BICC1: variants seen among roughly 807,000 people sequenced by gnomAD.
BICC1 encodes protein bicaudal C homolog 1.
Under a neutral mutation model 111.0 loss-of-function variants are expected in BICC1, and 43 were observed. That is an observed-to-expected ratio of 0.39 (90% CI 0.30 to 0.50). The LOEUF (loss-of-function observed/expected upper bound fraction) is 0.50, where lower values mean the gene tolerates loss of function less well. Among genes scored for constraint, BICC1 ranks in the 20% least tolerant of loss-of-function variants. The pLI, the probability that BICC1 is intolerant of heterozygous loss-of-function variation, is 0.88. For missense variants in BICC1, 1,091 were observed against 1,203.2 expected, an observed-to-expected ratio of 0.91 and a Z score of 1.38; for synonymous variants, 467 against 434.4, an observed-to-expected ratio of 1.07 and a Z score of -0.93.
intron 3 of BICC1, among the ~76,000 whole-genome samples, chr10:58,704,797 G>A (rs1840341959): frequency 6.6e-6 from 1 of 152,208 alleles, no homozygotes; most frequent in Admixed American, 6.5e-5. Flanking sequence ...TAGAGAGACA[G>A]TACAGCCATA....
intron 1 of BICC1, among the ~76,000 whole-genome samples, chr10:58,553,718 G>A (rs987704603): frequency 9.2e-5 from 14 of 151,962 alleles, no homozygotes; most frequent in African/African-American, 3.1e-4. Context: ...TTTCGGGGGG[G>A]CTAGACTCCC....
intron 1 of BICC1, among the ~76,000 whole-genome samples, chr10:58,586,808 T>C (rs1003753275): frequency 2.6e-5 from 4 of 152,038 alleles, no homozygotes; most frequent in African/African-American, 4.8e-5. Flanking sequence ...TCTGGAAATA[T>C]GTATGTTTAT....
intron 17 of BICC1, among the ~76,000 whole-genome samples, chr10:58,809,410 T>C (rs561873132): frequency 1.3e-5 from 2 of 152,094 alleles, no homozygotes; most frequent in South Asian, 2.1e-4. Context: ...TGGCTAGTCT[T>C]TGTATTTTTG....
Position 58,758,978 on chromosome 10 carries a change from G to T in BICC1, c.308-26023G>T, listed in dbSNP as rs183142946. Among the ~76,000 whole-genome samples, 630 of 145,964 alleles carry T rather than the reference G, an allele frequency of 4.3e-3. 9 individuals are homozygous for T. Among genetic ancestry groups the T allele is most frequent in the African/African-American group, 0.015 (587 of 39,476 alleles). ...ATTTATTTATTTATTTATTTATTTT[G>T]AGATGGAGTCTTGCTTTGTCACTCA... On this transcript the variant is annotated intron_variant, in intron 3 of 20. Transcript: ENST00000373886.
intron 3 of BICC1, chr10:58,716,018 A>T: frequency 7.1e-7 from 1 of 1,408,952 alleles, no homozygotes; most frequent in Non-Finnish European, 9.8e-7. Flanking sequence ...GACAGTAAGG[A>T]TAGTTTAAAA....
chr10:58,602,805 A>G (rs12248948), intron 1 of BICC1, among the ~76,000 whole-genome samples: 43,313 of 152,080 alleles, frequency 0.28, 6,476 homozygotes, highest in East Asian at 0.45. Context: ...TATTTTGCAG[A>G]AGGTTAAAAC....
chr10:58,676,206 C>A (rs183475117), intron 2 of BICC1, among the ~76,000 whole-genome samples: 95 of 152,262 alleles, frequency 6.2e-4, no homozygotes, highest in African/African-American at 2.1e-3. Context: ...GCTGTTTGGG[C>A]AGACACCGAA....
intron 2 of BICC1, among the ~76,000 whole-genome samples, chr10:58,683,101 G>C (rs1282714851): frequency 1.3e-5 from 2 of 152,108 alleles, no homozygotes; most frequent in African/African-American, 4.8e-5. Flanking sequence ...TTCTACATAT[G>C]GCTAGCCAGT....
chr10:58,585,565 G>A (rs556309102), intron 1 of BICC1, among the ~76,000 whole-genome samples: 2 of 151,894 alleles, frequency 1.3e-5, no homozygotes, highest in South Asian at 2.1e-4. Context: ...TGCAGTCTTC[G>A]GCATATGTGT....
At chr10:58,572,126 A>G (rs1410626585) in intron 1 of BICC1, among the ~76,000 whole-genome samples, 1 of 152,008 alleles carries the variant, frequency 6.6e-6, no homozygotes, top group Non-Finnish European at 1.5e-5. Flanking sequence ...GGCCGCATGT[A>G]TGTCTTAAGA....
At chr10:58,811,322 T>C (rs12241410) in intron 17 of BICC1, among the ~76,000 whole-genome samples, 2,790 of 152,304 alleles carry the variant, frequency 0.018, 76 homozygotes, top group African/African-American at 0.063. Context: ...AATAAAAACC[T>C]GCACTGAGAA....
At chr10:58,542,165 A>AAC (rs1394559768) in intron 1 of BICC1, among the ~76,000 whole-genome samples, 18 of 146,906 alleles carry the variant, frequency 1.2e-4, no homozygotes, top group Non-Finnish European at 7.4e-5. Flanking sequence ...AAAAAAAAAA[A>AAC]ACAAAAAAAA....
intron 9 of BICC1, 42 bp from the exon 10 acceptor site, chr10:58,796,298 A>G (rs774053144): frequency 7.7e-6 from 12 of 1,559,652 alleles, no homozygotes; most frequent in Non-Finnish European, 9.7e-6. Context: ...ATTGTAGACT[A>G]CTTGCATGTC....
At chr10:58,593,941 ATG>A (rs1844722169) in intron 1 of BICC1, among the ~76,000 whole-genome samples, 1 of 152,050 alleles carries the variant, frequency 6.6e-6, no homozygotes, top group South Asian at 2.1e-4. Context: ...CTAAAGGAGC[ATG>A]TTCTAACCCA....
chr10:58,714,887 A>C (rs912339427), intron 3 of BICC1, among the ~76,000 whole-genome samples: 1 of 151,822 alleles, frequency 6.6e-6, no homozygotes, highest in Admixed American at 6.6e-5. Flanking sequence ...AAAAAAAAAA[A>C]AGATAGTGGC....
At chr10:58,808,212 C>T (rs1169044709) in intron 17 of BICC1, among the ~76,000 whole-genome samples, 7 of 152,046 alleles carry the variant, frequency 4.6e-5, no homozygotes, top group African/African-American at 1.7e-4. Context: ...AAGTTACCTT[C>T]AGCAGCAGAA....
At chr10:58,540,572 A>C (rs1200013968) in intron 1 of BICC1, among the ~76,000 whole-genome samples, 1 of 152,060 alleles carries the variant, frequency 6.6e-6, no homozygotes, top group Admixed American at 6.6e-5. Flanking sequence ...TGAAGAAATA[A>C]AATATCTGAG....
chr10:58,520,271 G>A (rs1234317717), intron 1 of BICC1, among the ~76,000 whole-genome samples: 10 of 152,206 alleles, frequency 6.6e-5, no homozygotes, highest in South Asian at 2.1e-4. Context: ...GGAATGAGGC[G>A]CAATTTTATT....
At chr10:58,565,571 T>C (rs1843729927) in intron 1 of BICC1, among the ~76,000 whole-genome samples, 1 of 152,204 alleles carries the variant, frequency 6.6e-6, no homozygotes, top group Non-Finnish European at 1.5e-5. Context: ...ATGTATGCCC[T>C]GGGCGGACAG....
Sources: gnomAD v4.1 joint callset for allele counts (sites outside exome capture counted in the v4.1 genomes callset) on GRCh38, gnomAD v4.1.1 for gene constraint, MANE v1.5 for transcripts, NCBI Gene and HGNC (gene_info 2026-07-23, HGNC 2026-07-21) for gene names.